RALYL: variants seen among roughly 807,000 people sequenced by gnomAD.
The protein encoded by RALYL is RNA-binding Raly-like protein.
RALYL carries 29 observed loss-of-function variants against 35.1 expected under a neutral mutation model. That is an observed-to-expected ratio of 0.83 (90% CI 0.61 to 1.13). The LOEUF (loss-of-function observed/expected upper bound fraction) is 1.13, where lower values mean the gene tolerates loss of function less well. Ranked by LOEUF, RALYL falls within the 50% of genes most tolerant of loss-of-function variation. RALYL has a pLI of 0.00. For synonymous variants in RALYL, 120 were observed against 127.6 expected (o/e 0.94, Z 0.40); for missense variants, 359 against 360.4 (o/e 1.00, Z 0.03).
At chr8:84,738,407 A>C (rs563017779) in intron 2 of RALYL, among the ~76,000 whole-genome samples, 87 of 152,174 alleles carry the variant, frequency 5.7e-4, no homozygotes, top group Non-Finnish European at 9.7e-4. Flanking sequence ...TTAAAATGCT[A>C]TCCTGAAATC....
chr8:84,392,634 A>G (rs564111946), intron 1 of RALYL, among the ~76,000 whole-genome samples: 2 of 152,162 alleles, frequency 1.3e-5, no homozygotes, highest in African/African-American at 4.8e-5. Flanking sequence ...AAGAGACATC[A>G]GGAAACATTT....
At chr8:84,212,449 A>T (rs561015035) in intron 1 of RALYL, among the ~76,000 whole-genome samples, 1 of 152,278 alleles carries the variant, frequency 6.6e-6, no homozygotes, top group African/African-American at 2.4e-5. Flanking sequence ...ATTTTAAAAA[A>T]TTATTCATAG....
At chr8:84,786,440 C>T (rs1467920815) in intron 3 of RALYL, among the ~76,000 whole-genome samples, 1 of 152,092 alleles carries the variant, frequency 6.6e-6, no homozygotes, top group Non-Finnish European at 1.5e-5. Context: ...TTTACATTCC[C>T]ACCAACAGTG....
intron 2 of RALYL, among the ~76,000 whole-genome samples, chr8:84,648,487 T>G (rs2131473664): frequency 6.6e-6 from 1 of 152,204 alleles, no homozygotes; most frequent in East Asian, 1.9e-4. Context: ...ATTAGTTTGC[T>G]GAAGATAATC....
chr8:84,271,501 C>T (rs981985848), intron 1 of RALYL, among the ~76,000 whole-genome samples: 1 of 150,140 alleles, frequency 6.7e-6, no homozygotes, highest in Non-Finnish European at 1.5e-5. Context: ...TTTTAACATT[C>T]TATCCAGCAG....
intron 1 of RALYL, among the ~76,000 whole-genome samples, chr8:84,434,776 C>A (rs2047518840): frequency 6.6e-6 from 1 of 152,038 alleles, no homozygotes; most frequent in Admixed American, 6.6e-5. Flanking sequence ...TCCCGAGTAG[C>A]TGAGATCACA....
chr8:84,895,396 T>C lies in RALYL; in HGVS notation c.858+7620T>C, dbSNP rs560366491. Among the ~76,000 whole-genome samples the C allele has an allele frequency of 2.6e-5, 4 of 152,242 alleles. No individual in the cohort carries two copies. The South Asian group carries it at 8.3e-4, about 32-fold the overall frequency. ...AGACTTTGTTAAGTCTTTTATGATG[T>C]AGAGCATTTGTATCCTCTTATATAT... is the stretch of plus-strand genomic sequence containing the variant. On this transcript the variant is annotated intron_variant, in intron 8 of 8. Transcript: ENST00000521268.
intron 4 of RALYL, among the ~76,000 whole-genome samples, chr8:84,816,232 T>A (rs191124913): frequency 6.6e-6 from 1 of 152,114 alleles, no homozygotes; most frequent in Non-Finnish European, 1.5e-5. Context: ...TAAGGTTACA[T>A]GTCAAAAAAT....
intron 2 of RALYL, among the ~76,000 whole-genome samples, chr8:84,774,005 G>A (rs1212154728): frequency 1.3e-5 from 2 of 152,096 alleles, no homozygotes; most frequent in Non-Finnish European, 2.9e-5. Context: ...AATTGCTTGA[G>A]GCCAGAAGTT....
chr8:84,391,275 G>C (rs970670736), intron 1 of RALYL, among the ~76,000 whole-genome samples: 2 of 151,946 alleles, frequency 1.3e-5, no homozygotes, highest in African/African-American at 2.4e-5. Context: ...CCTAGGAAAG[G>C]TGCCTAGTGA....
intron 1 of RALYL, among the ~76,000 whole-genome samples, chr8:84,333,365 G>C (rs902513189): frequency 1.3e-5 from 2 of 152,098 alleles, no homozygotes; most frequent in African/African-American, 4.8e-5. Context: ...ACTGTGTTAG[G>C]CACAGTGAAA....
chr8:84,502,884 A>T (rs566930040), intron 1 of RALYL, among the ~76,000 whole-genome samples: 1 of 150,896 alleles, frequency 6.6e-6, no homozygotes, highest in East Asian at 1.9e-4. Flanking sequence ...TAATATATTT[A>T]TTTCTGCTTC....
intron 1 of RALYL, among the ~76,000 whole-genome samples, chr8:84,423,837 G>A (rs1270001232): frequency 6.6e-6 from 1 of 151,272 alleles, no homozygotes; most frequent in Non-Finnish European, 1.5e-5. Context: ...ATGAAATTCT[G>A]GGTTGAAAAT....
chr8:84,698,850 C>T (rs1278561102), intron 2 of RALYL, among the ~76,000 whole-genome samples: 1 of 152,140 alleles, frequency 6.6e-6, no homozygotes, highest in Admixed American at 6.6e-5. Context: ...TTGCTGGTCC[C>T]CACCATTGTC....
chr8:84,324,417 C>A (rs369352885), intron 1 of RALYL, among the ~76,000 whole-genome samples: 11 of 152,072 alleles, frequency 7.2e-5, no homozygotes, highest in African/African-American at 2.6e-4. Context: ...TTAAATCATT[C>A]CATGCTTCAG....
intron 1 of RALYL, among the ~76,000 whole-genome samples, chr8:84,474,532 T>G (rs111390728): frequency 4.1e-4 from 62 of 152,204 alleles, no homozygotes; most frequent in African/African-American, 1.3e-3. Context: ...TTCCTAGCCC[T>G]TTAGAGCATT....
chr8:84,811,929 C>T (rs558281579), intron 4 of RALYL, among the ~76,000 whole-genome samples: 2 of 152,212 alleles, frequency 1.3e-5, no homozygotes, highest in South Asian at 4.1e-4. Flanking sequence ...GACTTCCTTG[C>T]ATTGGGCTTT....
chr8:84,185,092 C>A (rs1812163094), intron 1 of RALYL: 24 of 1,503,442 alleles, frequency 1.6e-5, no homozygotes, highest in Non-Finnish European at 2.2e-5. Flanking sequence ...TCTTTTTTTT[C>A]CCTGTTGTGT....
chr8:84,806,476 T>A (rs1476413146), intron 4 of RALYL, among the ~76,000 whole-genome samples: 1 of 152,156 alleles, frequency 6.6e-6, no homozygotes, highest in East Asian at 1.9e-4. Context: ...ATTGCATACT[T>A]CTGTTTTAAA....
Sources: allele counts gnomAD v4.1 joint callset (sites outside exome capture counted in the v4.1 genomes callset), GRCh38; gene constraint gnomAD v4.1.1; transcripts MANE v1.5; gene names NCBI Gene and HGNC (gene_info 2026-07-23, HGNC 2026-07-21).